MYNN: variants seen among roughly 807,000 people sequenced by gnomAD.
MYNN encodes the protein myoneurin.
In MYNN, 22 loss-of-function variants were observed where a neutral mutation model predicts 57.2. That is an observed-to-expected ratio of 0.38 (90% confidence interval 0.27 to 0.55). MYNN has a LOEUF of 0.55. MYNN is among the 20% of genes least tolerant of loss of function. The pLI is 0.71. For missense variants in MYNN, 566 were observed against 723.1 expected (o/e 0.78, Z 2.49); for synonymous variants, 241 against 257.1 (o/e 0.94, Z 0.60).
rs1355671634 is a variant in MYNN, at chr3:169,788,889, T to C, written c.*2211T>C. ...GCTATTATTTATCATAATATGCATA[T>C]ATTTAGTTGTATCTGGTATCATTCT... On this transcript the variant is annotated 3_prime_UTR_variant, in exon 8 of 8. Coordinates refer to ENST00000349841, the MANE Select transcript of MYNN (RefSeq NM_018657.5). 1 of 152,152 alleles carries C rather than the reference T, an allele frequency of 6.6e-6. No homozygotes were observed. Among genetic ancestry groups the C allele is most frequent in the African/African-American group, 2.4e-5 (1 of 41,446 alleles). 9.4% of individuals were successfully genotyped at this position (152,152 alleles called of 1,614,324 possible).
In MYNN at chr3:169,778,811, G is replaced by C. The variant is rs559298897; in HGVS notation, c.310G>C (p.Val104Leu). ...EIHQAADYLKVEEVVTKCKIK... is the reference protein window; with the variant it reads ...EIHQAADYLKLEEVVTKCKIK... The stretch of plus-strand genomic sequence containing the variant: ...TCATCAGGCTGCTGACTATCTCAAA[G>C]TGGAAGAGGTGGTCACTAAATGCAA... The change falls in exon 3 of 8, where the codon GTG (valine) becomes CTG (leucine). Residue 104 changes from valine (V) to leucine (L), a missense_variant. Physicochemically the swap from Val to Leu is conservative, Grantham distance 32. Around this residue, in one of 4 missense-constraint regions of MYNN, gnomAD observed 261 missense variants for 280.8 expected, o/e 0.93. Transcript: ENST00000349841. 2.5e-6 allele frequency: 4 copies of C among 1,610,422 alleles called. No homozygotes were observed. The East Asian group carries it at 6.7e-5, about 27-fold the overall frequency.
In MYNN at chr3:169,780,737, A is replaced by G. The variant is rs773422274; in HGVS notation, c.1208A>G (p.Lys403Arg). 5.0e-6 allele frequency: 8 copies of G among 1,599,574 alleles called. No homozygotes were observed. Among genetic ancestry groups the G allele is most frequent in the African/African-American group, 4.1e-5 (3 of 73,964 alleles). ...NLQFATSSNL[K>R]IHARKHSGEK... ...CAGTTTGCAACTTCTAGCAATCTCA[A>G]GATTCATGCAAGGTAAAAAACCAAA... The change falls in exon 4 of 8, where the codon AAG becomes AGG. Residue 403 changes from lysine to arginine, a missense_variant. By Grantham distance (26) the Lys-to-Arg change is conservative (BLOSUM62 2). Coordinates refer to ENST00000349841, the MANE Select transcript of MYNN (RefSeq NM_018657.5).
intron 2 of MYNN, among the ~76,000 whole-genome samples, chr3:169,776,853 G>A (rs573862982): frequency 2.9e-4 from 44 of 151,882 alleles, no homozygotes; most frequent in Admixed American, 5.2e-4. Flanking sequence ...ACAGGCACCC[G>A]CCATCATGCC....
At chr3:169,784,753 G>A (rs1263911414) in intron 7 of MYNN, 45 bp downstream of exon 7, 1 of 1,277,776 alleles carries the variant, frequency 7.8e-7, no homozygotes, top group Admixed American at 2.1e-5. Context: ...TTTTAATTTG[G>A]TGCTCATATT....
chr3:169,780,886 C>T, intron 4 of MYNN, 137 bp downstream of exon 4: 3 of 773,366 alleles, frequency 3.9e-6, no homozygotes. Context: ...GTTCAAGGAA[C>T]CACAAGGAAG....
Position 169,778,890 on chromosome 3 carries a change from C to A in MYNN, c.389C>A (p.Ser130Tyr), listed in dbSNP as rs769722576. ...GCTAATCCTTCTTCTACAGAGATAT[C>A]TAGTATTACTGGAAACATTGAATTG... ...FIANPSSTEI[S>Y]SITGNIELNQ... The change falls in exon 3 of 8, where the codon TCT becomes TAT. Residue 130 changes from serine (S) to tyrosine (Y), a missense_variant. By Grantham distance (144) the Ser-to-Tyr change is moderately radical. Transcript: ENST00000349841. 4 of 1,613,902 alleles carry A rather than the reference C, an allele frequency of 2.5e-6. No homozygotes were observed. In the South Asian group the frequency reaches 3.3e-5, roughly 13 times the overall value.
intron 6 of MYNN, among the ~76,000 whole-genome samples, chr3:169,784,371 G>A (rs1778611108): frequency 6.6e-6 from 1 of 151,902 alleles, no homozygotes; most frequent in Admixed American, 6.6e-5. Flanking sequence ...GTTTGTTTTA[G>A]TTTGCAGATA....
Position 169,779,064 on chromosome 3 carries a change from C to G in MYNN, c.563C>G (p.Ser188Cys), listed in dbSNP as rs1224076850. 2 of 1,614,106 alleles carry G rather than the reference C, an allele frequency of 1.2e-6. No individual in the cohort carries two copies. The highest frequency in any genetic ancestry group is 1.7e-6 in the Non-Finnish European group (2 of 1,180,016). Residue 188 changes from serine (S) to cysteine (C), a missense_variant, in exon 3 of 8, where the codon TCC becomes TGC. This residue lies in a region of MYNN where 261 missense variants were observed against 280.8 expected (regional missense o/e 0.93). Coordinates refer to ENST00000349841, the MANE Select transcript of MYNN (RefSeq NM_018657.5). ...QTKKKKKAFN[S>C]PKTGQNKTVQ... The stretch of plus-strand genomic sequence containing the variant: ...AAAAAGAAGAAGAAGGCTTTCAACT[C>G]CCCGAAAACAGGGCAGAATAAAACA...
intron 3 of MYNN, 33 bp from the exon 4 acceptor site, chr3:169,780,557 T>G: frequency 6.6e-7 from 1 of 1,519,996 alleles, no homozygotes; most frequent in Non-Finnish European, 8.9e-7. Flanking sequence ...AAACACTATT[T>G]TCTTCTAAAT....
rs1778702313 is a variant in MYNN at position 169,787,255 on chromosome 3, A to G, written c.*577A>G. On this transcript the variant is annotated 3_prime_UTR_variant, in exon 8 of 8. Transcript: ENST00000349841. ...TCTAATGAAACAAAAATGTTTCTCAAAATCTAGAAAAGTGCATATAAATTT... is the reference window on the plus strand; with the variant it reads ...TCTAATGAAACAAAAATGTTTCTCAGAATCTAGAAAAGTGCATATAAATTT... 1 of 152,188 alleles carries G rather than the reference A, an allele frequency of 6.6e-6. No homozygotes were observed. The highest frequency in any genetic ancestry group is 1.5e-5 in the Non-Finnish European group (1 of 68,012). 9.4% of individuals were successfully genotyped at this position (152,188 alleles called of 1,614,324 possible). A position where few individuals can be genotyped will look rare whatever the true frequency, so the allele number is the denominator to read the frequency against.
rs1360608373 is a variant in MYNN at position 169,780,754 on chromosome 3, A to G, written c.1220+5A>G. ...CAATCTCAAGATTCATGCAAGGTAA[A>G]AAACCAAATGAGTTGTTTGATCTTT... On this transcript the variant is annotated splice_donor_5th_base_variant and intron_variant, in intron 4 of 7. Transcript: ENST00000349841. 2 of 1,592,546 alleles carry G rather than the reference A, an allele frequency of 1.3e-6. No individual in the cohort carries two copies. The highest frequency in any genetic ancestry group is 3.7e-5 in the Admixed American group (2 of 54,254).
At chr3:169,780,368 A>G (rs1778475804) in intron 3 of MYNN, 1 of 386,704 alleles carries the variant, frequency 2.6e-6, no homozygotes, top group South Asian at 5.4e-5. Flanking sequence ...CTAGATTCGT[A>G]CTTTTTAAAA....
At chr3:169,779,780 T>C (rs981913943) in intron 3 of MYNN, 7 of 518,172 alleles carry the variant, frequency 1.4e-5, no homozygotes, top group South Asian at 1.0e-4. Flanking sequence ...CTTATACCAT[T>C]TTCCCTCCAA....
chr3:169,775,264 T>C (rs1778299785), intron 2 of MYNN, among the ~76,000 whole-genome samples: 1 of 152,214 alleles, frequency 6.6e-6, no homozygotes, highest in Non-Finnish European at 1.5e-5. Context: ...AGGAATCTGA[T>C]AATGTAGGCA....
At chr3:169,780,510 G>A in intron 3 of MYNN, 80 bp from the exon 4 acceptor site, 2 of 993,928 alleles carry the variant, frequency 2.0e-6, no homozygotes, top group South Asian at 1.8e-5. Flanking sequence ...AACAAAGCTA[G>A]TACTGTTGAT....
rs767270693 is a variant in MYNN at position 169,779,001 on chromosome 3, C to T, written c.500C>T (p.Pro167Leu). ...TCTACAGATTTGATTCAGGCAAATC[C>T]TAAACAAGGCGCGTTAGCGAAAAAG... ...EVSTDLIQAN[P>L]KQGALAKKSS... Residue 167 changes from proline (P) to leucine (L), a missense_variant, in exon 3 of 8, where the codon CCT (proline) becomes CTT (leucine). By Grantham distance (98) the Pro-to-Leu change is moderately conservative (BLOSUM62 -3). Transcript: ENST00000349841. 5.0e-6 allele frequency: 8 copies of T among 1,613,616 alleles called. No homozygotes were observed. The highest frequency in any genetic ancestry group is 6.8e-6 in the Non-Finnish European group (8 of 1,180,030).
At chr3:169,783,036 A>G (rs1179243384) in intron 5 of MYNN, among the ~76,000 whole-genome samples, 1 of 152,106 alleles carries the variant, frequency 6.6e-6, no homozygotes, top group African/African-American at 2.4e-5. Context: ...TCCTACACAG[A>G]TATTCTGGGA....
chr3:169,784,499 A>G, intron 6 of MYNN, 123 bp from the exon 7 acceptor site: 2 of 624,876 alleles, frequency 3.2e-6, no homozygotes, highest in South Asian at 3.8e-5. Flanking sequence ...GATTAAAGTG[A>G]CAATTTGAAA....
At position 169,782,706 on chromosome 3, in the gene MYNN, G is replaced by A; in HGVS notation, c.1399+63G>A. ...ATAAATAAAAGAAAAAGGGGACTTG[G>A]GCCTTTTAGCGAAGTAGATCGGAAA... On this transcript the variant is annotated intron_variant, in intron 5 of 7. Coordinates refer to ENST00000349841, the MANE Select transcript of MYNN (RefSeq NM_018657.5). This position sits in a 1 kb window ranked among gnomAD's most constrained non-coding sequence, Gnocchi z 4.8. The A allele has an allele frequency of 7.2e-7, 1 of 1,382,304 alleles. No individual in the cohort carries two copies. Among genetic ancestry groups the A allele is most frequent in the African/African-American group, 1.5e-5 (1 of 68,242 alleles). The allele number at this position is 1,382,304 out of a possible 1,614,324, so 85.6% of individuals were successfully genotyped here. A position where few individuals can be genotyped will look rare whatever the true frequency, so the allele number is the denominator to read the frequency against.
Sources: allele counts gnomAD v4.1 joint callset (sites outside exome capture counted in the v4.1 genomes callset), GRCh38; gene constraint gnomAD v4.1.1; regional missense constraint gnomAD v4.1.1; non-coding constraint Gnocchi (gnomAD v3.1); transcripts MANE v1.5; gene names NCBI Gene and HGNC (gene_info 2026-07-23, HGNC 2026-07-21).